ENOX1: variants seen among roughly 807,000 people sequenced by gnomAD.
ENOX1 encodes the protein candidate growth-related and time keeping constitutive hydroquinone (NADH) oxidase.
A neutral mutation model predicts 82.5 loss-of-function variants in ENOX1; 42 were observed. That is an observed-to-expected ratio of 0.51 (90% CI 0.40 to 0.66). ENOX1 has a LOEUF of 0.66. ENOX1 is among the 30% of genes least tolerant of loss of function. The pLI is 0.00. For synonymous variants in ENOX1, 271 were observed against 282.2 expected (o/e 0.96, Z 0.40); for missense variants, 608 against 811.6 (o/e 0.75, Z 3.05).
At chr13:43,401,252 C>A (rs2053479462) in intron 5 of ENOX1, among the ~76,000 whole-genome samples, 1 of 152,140 alleles carries the variant, frequency 6.6e-6, no homozygotes, top group Non-Finnish European at 1.5e-5. Flanking sequence ...CTGCTTCCAG[C>A]CACCAGAAAG....
intron 1 of ENOX1, among the ~76,000 whole-genome samples, chr13:43,712,061 C>A (rs1195884528): frequency 1.3e-5 from 2 of 151,884 alleles, no homozygotes; most frequent in Admixed American, 1.3e-4. Flanking sequence ...TTAGATCTAA[C>A]ATTTAAGTCT....
chr13:43,577,140 CT>C (rs1470225537), intron 2 of ENOX1, among the ~76,000 whole-genome samples: 27 of 134,474 alleles, frequency 2.0e-4, no homozygotes, highest in Middle Eastern at 7.9e-3. Context: ...TTTTTTTTTT[CT>C]TTTTTTTTGA....
chr13:43,566,069 A>C (rs2079906950), intron 2 of ENOX1, among the ~76,000 whole-genome samples: 1 of 152,198 alleles, frequency 6.6e-6, no homozygotes, highest in South Asian at 2.1e-4. Context: ...AGGAAATTTA[A>C]GAAATGCATG....
intron 1 of ENOX1, among the ~76,000 whole-genome samples, chr13:43,704,020 A>G (rs2087083197): frequency 6.6e-6 from 1 of 152,102 alleles, no homozygotes; most frequent in African/African-American, 2.4e-5. Context: ...TAGGTATGCC[A>G]TTGTATTCTT....
At chr13:43,780,348 ATAG>A (rs1040812817) in intron 1 of ENOX1, among the ~76,000 whole-genome samples, 2 of 152,184 alleles carry the variant, frequency 1.3e-5, no homozygotes, top group African/African-American at 2.4e-5. Flanking sequence ...ATGTATTAAA[ATAG>A]TAGGTACAAT....
chr13:43,358,395 T>A (rs1594125482), intron 7 of ENOX1, among the ~76,000 whole-genome samples: 1 of 149,122 alleles, frequency 6.7e-6, no homozygotes, highest in Non-Finnish European at 1.5e-5. Flanking sequence ...AACCCACATA[T>A]TTGGAGGGCT....
At chr13:43,372,303 G>A (rs2051294431) in intron 5 of ENOX1, among the ~76,000 whole-genome samples, 1 of 152,170 alleles carries the variant, frequency 6.6e-6, no homozygotes, top group African/African-American at 2.4e-5. Context: ...AGGCTAAGAG[G>A]CACAAGGAAT....
At chr13:43,473,625 C>T (rs766614083) in intron 3 of ENOX1, among the ~76,000 whole-genome samples, 33 of 152,284 alleles carry the variant, frequency 2.2e-4, no homozygotes, top group African/African-American at 6.0e-4. Flanking sequence ...CTCCAGCATA[C>T]GCACTCATCT....
At chr13:43,782,703 G>A (rs74878441) in intron 1 of ENOX1, among the ~76,000 whole-genome samples, 3,243 of 152,220 alleles carry the variant, frequency 0.021, 34 homozygotes, top group Middle Eastern at 0.034. Context: ...ATGGAATACA[G>A]ATTATTTAAA....
intron 1 of ENOX1, among the ~76,000 whole-genome samples, chr13:43,675,277 T>A (rs2085455812): frequency 6.6e-6 from 1 of 151,994 alleles, no homozygotes; most frequent in Admixed American, 6.6e-5. Flanking sequence ...ACAGATTGGA[T>A]GTAGGGGATA....
At chr13:43,598,487 C>A (rs777763281) in intron 2 of ENOX1, among the ~76,000 whole-genome samples, 2 of 152,134 alleles carry the variant, frequency 1.3e-5, no homozygotes, top group African/African-American at 4.8e-5. Flanking sequence ...GTTTAGAAAG[C>A]GTGGCCATTT....
At chr13:43,388,200 G>A (rs2052550345) in intron 5 of ENOX1, among the ~76,000 whole-genome samples, 1 of 152,220 alleles carries the variant, frequency 6.6e-6, no homozygotes, top group African/African-American at 2.4e-5. Flanking sequence ...GCATGAGGAT[G>A]CTTAAGTTAT....
rs745612595 is a variant in ENOX1 at position 43,322,467 on chromosome 13, C to T, written c.1178G>A (p.Gly393Asp). ...LRNAQSEQLMGIRREEEMEMS... is the reference protein window; with the variant it reads ...LRNAQSEQLMDIRREEEMEMS... ...TTCCATTTCTTCTTCGCGGCGGATG[C>T]CCATGAGCTGCTCACTTTGAGCATT... Residue 393 changes from glycine to aspartate, a missense_variant, in exon 11 of 17, where the codon GGC becomes GAC. Physicochemically the swap from Gly to Asp is moderately conservative, Grantham distance 94. Coordinates refer to ENST00000690772, the MANE Select transcript of ENOX1 (RefSeq NM_001347969.2). The T allele has an allele frequency of 1.9e-6, 3 of 1,613,854 alleles. No homozygotes were observed. The African/African-American group carries it at 4.0e-5, about 22-fold the overall frequency.
At chr13:43,550,610 A>G (rs559700477) in intron 2 of ENOX1, among the ~76,000 whole-genome samples, 1 of 152,312 alleles carries the variant, frequency 6.6e-6, no homozygotes, top group South Asian at 2.1e-4. Flanking sequence ...TGCACTGCTC[A>G]GTGCCTCAGC....
intron 2 of ENOX1, among the ~76,000 whole-genome samples, chr13:43,500,671 C>T (rs780811835): frequency 7.4e-4 from 113 of 151,818 alleles, no homozygotes; most frequent in Non-Finnish European, 1.4e-3. Context: ...AAGGTAAATA[C>T]ACAGACTAAT....
intron 1 of ENOX1, among the ~76,000 whole-genome samples, chr13:43,689,257 A>G (rs1369711339): frequency 6.6e-6 from 1 of 152,236 alleles, no homozygotes; most frequent in Non-Finnish European, 1.5e-5. Flanking sequence ...TCAAGAAGGC[A>G]TGAAAATGAA....
chr13:43,385,030 C>T (rs2052319263), intron 5 of ENOX1, among the ~76,000 whole-genome samples: 1 of 152,050 alleles, frequency 6.6e-6, no homozygotes, highest in African/African-American at 2.4e-5. Context: ...GGCATCATGG[C>T]ACTACTGGAA....
At chr13:43,249,957 ATCT>A (rs1165546067) in intron 14 of ENOX1, among the ~76,000 whole-genome samples, 1 of 152,148 alleles carries the variant, frequency 6.6e-6, no homozygotes, top group Non-Finnish European at 1.5e-5. Context: ...TGCACTGGAG[ATCT>A]TCTGATTATA....
chr13:43,771,185 C>T (rs965139317), intron 1 of ENOX1, among the ~76,000 whole-genome samples: 2 of 152,086 alleles, frequency 1.3e-5, no homozygotes, highest in Middle Eastern at 3.2e-3. Flanking sequence ...GAATCCAAGG[C>T]GGGAGGGCAG....
Sources: gnomAD v4.1 joint callset for allele counts (sites outside exome capture counted in the v4.1 genomes callset) on GRCh38, gnomAD v4.1.1 for gene constraint, MANE v1.5 for transcripts, NCBI Gene and HGNC (gene_info 2026-07-23, HGNC 2026-07-21) for gene names.